The following PXDNL variants were observed in gnomAD, a reference collection of about 807,000 sequenced individuals.
The protein encoded by PXDNL is peroxidasin like.
Under a neutral mutation model 150.8 loss-of-function variants are expected in PXDNL, and 145 were observed. The observed-to-expected ratio is 0.96, with a 90% CI of 0.84 to 1.10. The LOEUF (loss-of-function observed/expected upper bound fraction) is 1.10, where lower values mean the gene tolerates loss of function less well. Ranked by LOEUF, PXDNL falls within the 50% of genes least tolerant of loss-of-function variation. The pLI is 0.00. For synonymous variants in PXDNL, 757 were observed against 725.7 expected (o/e 1.04, Z -0.69); for missense variants, 2,087 against 1,873.9 (o/e 1.11, Z -2.10).
intron 6 of PXDNL, among the ~76,000 whole-genome samples, chr8:51,475,626 T>C (rs935738417): frequency 4.6e-5 from 7 of 152,140 alleles, no homozygotes; most frequent in African/African-American, 1.7e-4. Context: ...TTAATTTCTT[T>C]ATAGTTTCAA....
intron 1 of PXDNL, among the ~76,000 whole-genome samples, chr8:51,782,407 C>T (rs762900748): frequency 6.6e-5 from 10 of 152,150 alleles, no homozygotes; most frequent in Non-Finnish European, 1.2e-4. Flanking sequence ...AGGATAAATG[C>T]TTCTCCTATC....
chr8:51,764,430 T>C (rs559253849), intron 1 of PXDNL, among the ~76,000 whole-genome samples: 9 of 151,814 alleles, frequency 5.9e-5, no homozygotes, highest in Admixed American at 5.2e-4. Flanking sequence ...TTTTTTTTAA[T>C]ATGGGCATTT....
At chr8:51,653,486 C>G (rs149054265) in intron 2 of PXDNL, among the ~76,000 whole-genome samples, 41 of 152,188 alleles carry the variant, frequency 2.7e-4, no homozygotes, top group African/African-American at 8.9e-4. Flanking sequence ...AATTAGGATC[C>G]CTGGGGAAGA....
intron 1 of PXDNL, among the ~76,000 whole-genome samples, chr8:51,697,382 A>G (rs897491400): frequency 2.0e-5 from 3 of 152,154 alleles, no homozygotes; most frequent in Non-Finnish European, 4.4e-5. Flanking sequence ...TTATTTTCAA[A>G]AGATTCACTG....
chr8:51,349,241 T>C (rs1466484718), intron 19 of PXDNL, among the ~76,000 whole-genome samples: 1 of 152,058 alleles, frequency 6.6e-6, no homozygotes, highest in Non-Finnish European at 1.5e-5. Flanking sequence ...CTGACGCTGC[T>C]CCTGCCTTTG....
intron 1 of PXDNL, among the ~76,000 whole-genome samples, chr8:51,764,186 G>C (rs1170632225): frequency 6.6e-6 from 1 of 151,848 alleles, no homozygotes; most frequent in East Asian, 1.9e-4. Flanking sequence ...GTAGTAATTT[G>C]AGTCTTTTCT....
At chr8:51,486,812 T>C (rs1350299228) in intron 5 of PXDNL, among the ~76,000 whole-genome samples, 3 of 91,106 alleles carry the variant, frequency 3.3e-5, no homozygotes, top group African/African-American at 1.4e-4. Context: ...TTTTTTTTTT[T>C]TTTTTTTTTG....
intron 21 of PXDNL, among the ~76,000 whole-genome samples, chr8:51,337,204 A>G (rs1408871378): frequency 1.3e-5 from 2 of 152,214 alleles, no homozygotes; most frequent in African/African-American, 4.8e-5. Flanking sequence ...CATCTCTGGG[A>G]TGTTTTTAAT....
chr8:51,481,403 G>A (rs1034307398), intron 6 of PXDNL, among the ~76,000 whole-genome samples: 2 of 152,064 alleles, frequency 1.3e-5, no homozygotes. Context: ...AAGAGGTGAC[G>A]AGGCATAAAA....
intron 14 of PXDNL, among the ~76,000 whole-genome samples, chr8:51,423,123 C>T (rs1809000402): frequency 6.6e-6 from 1 of 152,150 alleles, no homozygotes; most frequent in Admixed American, 6.5e-5. Context: ...TGCCTGGAAA[C>T]ACTGAGATAT....
intron 1 of PXDNL, among the ~76,000 whole-genome samples, chr8:51,707,654 C>G (rs547280590): frequency 3.7e-4 from 56 of 152,274 alleles, no homozygotes; most frequent in African/African-American, 1.3e-3. Context: ...AAATGTCATA[C>G]CTACTGAGCA....
intron 1 of PXDNL, among the ~76,000 whole-genome samples, chr8:51,778,501 T>G (rs542085681): frequency 4.6e-4 from 70 of 152,292 alleles, no homozygotes; most frequent in African/African-American, 1.6e-3. Flanking sequence ...CATAATTCGC[T>G]AATAGAGTGG....
At chr8:51,732,504 G>T (rs1161014824) in intron 1 of PXDNL, among the ~76,000 whole-genome samples, 1 of 152,052 alleles carries the variant, frequency 6.6e-6, no homozygotes, top group Non-Finnish European at 1.5e-5. Flanking sequence ...TCCAATCTCT[G>T]CCTGTTACCC....
At chr8:51,504,162 C>T (rs1811240124) in intron 4 of PXDNL, among the ~76,000 whole-genome samples, 1 of 152,184 alleles carries the variant, frequency 6.6e-6, no homozygotes, top group South Asian at 2.1e-4. Context: ...TACTTCCACA[C>T]TAGAGCAAAC....
At chr8:51,424,875 C>A (rs1441102382) in intron 13 of PXDNL, among the ~76,000 whole-genome samples, 1 of 152,042 alleles carries the variant, frequency 6.6e-6, no homozygotes, top group Non-Finnish European at 1.5e-5. Context: ...CTGACTTTAC[C>A]CCATGCTTGA....
intron 3 of PXDNL, among the ~76,000 whole-genome samples, chr8:51,559,536 C>T (rs1482127861): frequency 6.6e-6 from 1 of 151,866 alleles, no homozygotes. Context: ...ACCACAAAAC[C>T]AGAGAAAGAG....
chr8:51,331,004 T>C (rs1805664710), intron 21 of PXDNL, among the ~76,000 whole-genome samples: 1 of 152,172 alleles, frequency 6.6e-6, no homozygotes, highest in Admixed American at 6.5e-5. Flanking sequence ...CAGATCCGGA[T>C]ACTGCAGCAT....
At chr8:51,501,644 A>C (rs1303047446) in intron 4 of PXDNL, among the ~76,000 whole-genome samples, 1 of 152,158 alleles carries the variant, frequency 6.6e-6, no homozygotes, top group Non-Finnish European at 1.5e-5. Context: ...TGTCTCATGT[A>C]CACTAACACA....
chr8:51,331,875 G>A lies in PXDNL; in HGVS notation c.4146+7749C>T, dbSNP rs146788189. 6.8e-4 allele frequency among the ~76,000 whole-genome samples: 103 copies of A among 152,136 alleles called. 1 individual carries two copies. The highest frequency in any genetic ancestry group is 6.8e-3 in the Middle Eastern group (2 of 292). Reference sequence around the variant, plus strand: ...GTCTAAGCTCACACACGCCTAGCCCGGCCCCCAACTGATGGTCCCTCCCTA... The same window carrying A: ...GTCTAAGCTCACACACGCCTAGCCCAGCCCCCAACTGATGGTCCCTCCCTA... On this transcript the variant is annotated intron_variant, in intron 21 of 22. Transcript: ENST00000356297.
Sources: gnomAD v4.1 joint callset for allele counts (sites outside exome capture counted in the v4.1 genomes callset) on GRCh38, gnomAD v4.1.1 for gene constraint, MANE v1.5 for transcripts, NCBI Gene and HGNC (gene_info 2026-07-23, HGNC 2026-07-21) for gene names.